RASGRP3: variants seen among roughly 807,000 people sequenced by gnomAD.
The protein encoded by RASGRP3 is ras guanyl-releasing protein 3.
A neutral mutation model predicts 82.7 loss-of-function variants in RASGRP3; 54 were observed. The observed-to-expected ratio is 0.65, with a 90% confidence interval of 0.52 to 0.82. The LOEUF (loss-of-function observed/expected upper bound fraction) is 0.82, where lower values mean the gene tolerates loss of function less well. Ranked by LOEUF, RASGRP3 falls within the 40% of genes least tolerant of loss-of-function variation. The pLI, the probability that RASGRP3 is intolerant of heterozygous loss-of-function variation, is 0.00. For missense variants in RASGRP3, 861 were observed against 828.9 expected, an observed-to-expected ratio of 1.04 and a Z score of -0.48; for synonymous variants, 309 against 300.5, an observed-to-expected ratio of 1.03 and a Z score of -0.29.
At chr2:33,499,196 G>T (rs112481774) in intron 1 of RASGRP3, among the ~76,000 whole-genome samples, 7 of 152,216 alleles carry the variant, frequency 4.6e-5, no homozygotes, top group African/African-American at 1.4e-4. Context: ...TGGACAGTGA[G>T]TCCCTCCCTA....
intron 1 of RASGRP3, among the ~76,000 whole-genome samples, chr2:33,503,768 T>C (rs1670095527): frequency 6.6e-6 from 1 of 152,216 alleles, no homozygotes; most frequent in Non-Finnish European, 1.5e-5. Flanking sequence ...GATAACATAG[T>C]ACAGTTTCTC....
chr2:33,559,802 G>T (rs914404757), intron 17 of RASGRP3, among the ~76,000 whole-genome samples: 1 of 152,194 alleles, frequency 6.6e-6, no homozygotes, highest in Admixed American at 6.5e-5. Flanking sequence ...GATCCTACTG[G>T]ATCAAGCCAG....
intron 11 of RASGRP3, among the ~76,000 whole-genome samples, chr2:33,536,312 A>T (rs1411814428): frequency 2.9e-5 from 3 of 103,594 alleles, no homozygotes; most frequent in African/African-American, 6.5e-5. Context: ...AAAAAAAAAA[A>T]TTTAAAAAAG....
chr2:33,491,026 A>G (rs2150958781), intron 1 of RASGRP3, among the ~76,000 whole-genome samples: 1 of 152,350 alleles, frequency 6.6e-6, no homozygotes, highest in African/African-American at 2.4e-5. Context: ...ATTAAAAGAT[A>G]ACATTTAGAG....
chr2:33,462,462 A>C (rs1666430477), intron 2 of RASGRP3, among the ~76,000 whole-genome samples: 1 of 149,512 alleles, frequency 6.7e-6, no homozygotes, highest in South Asian at 2.1e-4. Flanking sequence ...ACTGCAACCT[A>C]CACCTCCCGG....
At chr2:33,509,179 T>A (rs572229967) in intron 1 of RASGRP3, among the ~76,000 whole-genome samples, 2 of 152,252 alleles carry the variant, frequency 1.3e-5, no homozygotes, top group South Asian at 4.1e-4. Flanking sequence ...GGTGGGTGGA[T>A]CACTTGACGT....
intron 2 of RASGRP3, among the ~76,000 whole-genome samples, chr2:33,450,560 A>G (rs1009739387): frequency 1.5e-4 from 23 of 152,026 alleles, no homozygotes; most frequent in African/African-American, 4.8e-4. Context: ...GAATTTTCTT[A>G]TTCTTTAAGG....
At chr2:33,484,756 T>A (rs1278439416) in intron 1 of RASGRP3, among the ~76,000 whole-genome samples, 1 of 152,218 alleles carries the variant, frequency 6.6e-6, no homozygotes, top group Admixed American at 6.5e-5. Context: ...TTAGCACTCT[T>A]GCAGAAGAGA....
intron 3 of RASGRP3, among the ~76,000 whole-genome samples, chr2:33,516,306 G>A (rs556513067): frequency 8.5e-4 from 129 of 152,292 alleles, no homozygotes; most frequent in African/African-American, 3.0e-3. Flanking sequence ...TACTCAGGAG[G>A]CTGAAGCAGG....
intron 13 of RASGRP3, among the ~76,000 whole-genome samples, chr2:33,546,248 T>C (rs1478879847): frequency 6.6e-6 from 1 of 151,560 alleles, no homozygotes; most frequent in Non-Finnish European, 1.5e-5. Flanking sequence ...ACGGTGAAAC[T>C]CTGTCTCTAC....
rs879744839 is a variant in RASGRP3 at position 33,450,818 on chromosome 2, C to CTTTTTTTT, written c.-261+2878_-261+2879insTTTTTTTT. Among the ~76,000 whole-genome samples the CTTTTTTTT allele has an allele frequency of 5.7e-3, 248 of 43,346 alleles. 28 individuals are homozygous for CTTTTTTTT. The highest frequency in any genetic ancestry group is 8.7e-3 in the Non-Finnish European group (187 of 21,596). The allele number at this position is 43,346 out of a possible 152,430, so 28.4% of individuals were successfully genotyped here. On this transcript the variant is annotated intron_variant, in intron 2 of 18. Coordinates refer to the RASGRP3 transcript ENST00000402538. ...CTTTTCTTTCTTTTTCTCTTTCTTT[C>CTTTTTTTT]TTTCTTTTTTTTTTTTTTTTTTTTT...
chr2:33,440,281 T>C (rs61296148), intron 1 of RASGRP3, among the ~76,000 whole-genome samples: 191 of 152,356 alleles, frequency 1.3e-3, no homozygotes, highest in African/African-American at 4.4e-3. Flanking sequence ...TTATCTCCAT[T>C]ATCTCCTTCT....
At chr2:33,537,211 C>G (rs1462245285) in intron 11 of RASGRP3, among the ~76,000 whole-genome samples, 1 of 145,040 alleles carries the variant, frequency 6.9e-6, no homozygotes, top group Admixed American at 7.0e-5. Flanking sequence ...ATATATATAT[C>G]TCAAAACTCC....
At chr2:33,458,931 A>G (rs1188004955) in intron 2 of RASGRP3, among the ~76,000 whole-genome samples, 3 of 152,192 alleles carry the variant, frequency 2.0e-5, no homozygotes, top group Non-Finnish European at 4.4e-5. Context: ...CTGGGGGCAA[A>G]TAGACTCTAA....
intron 1 of RASGRP3, among the ~76,000 whole-genome samples, chr2:33,494,643 T>C (rs1268509839): frequency 6.6e-6 from 1 of 152,224 alleles, no homozygotes; most frequent in Non-Finnish European, 1.5e-5. Flanking sequence ...AATGTTTGCC[T>C]CTAAGCACGA....
intron 2 of RASGRP3, among the ~76,000 whole-genome samples, chr2:33,469,512 T>A (rs1416210709): frequency 6.6e-6 from 1 of 151,514 alleles, no homozygotes; most frequent in Non-Finnish European, 1.5e-5. Context: ...CCAGGCTGAG[T>A]GCAGTGGCGC....
At chr2:33,516,339 G>A (rs1267862185) in intron 3 of RASGRP3, among the ~76,000 whole-genome samples, 1 of 152,168 alleles carries the variant, frequency 6.6e-6, no homozygotes, top group Non-Finnish European at 1.5e-5. Context: ...CCCGGGAGGT[G>A]GAGGTTGCAG....
intron 13 of RASGRP3, among the ~76,000 whole-genome samples, chr2:33,549,071 T>C (rs1675123755): frequency 6.6e-6 from 1 of 152,162 alleles, no homozygotes; most frequent in Admixed American, 6.5e-5. Flanking sequence ...AGGTTTGTTC[T>C]GTGTGGAGTA....
chr2:33,456,200 A>G (rs995125077), intron 2 of RASGRP3, among the ~76,000 whole-genome samples: 16 of 152,166 alleles, frequency 1.1e-4, no homozygotes, highest in African/African-American at 3.4e-4. Flanking sequence ...TACTACACAC[A>G]TATAGCCCTA....
Sources: gnomAD v4.1 joint callset for allele counts (sites outside exome capture counted in the v4.1 genomes callset) on GRCh38, gnomAD v4.1.1 for gene constraint, MANE v1.5 for transcripts, NCBI Gene and HGNC (gene_info 2026-07-23, HGNC 2026-07-21) for gene names.